LUZP2: variants seen among roughly 807,000 people sequenced by gnomAD.
LUZP2 encodes leucine zipper protein 2.
Under a neutral mutation model 51.6 loss-of-function variants are expected in LUZP2, and 52 were observed. That is an observed-to-expected ratio of 1.01 (90% confidence interval 0.81 to 1.27). The LOEUF (loss-of-function observed/expected upper bound fraction) is 1.27, where lower values mean the gene tolerates loss of function less well. LUZP2 is among the 50% of genes most tolerant of loss of function. The pLI, the probability that LUZP2 is intolerant of heterozygous loss-of-function variation, is 0.00. For missense variants in LUZP2, 436 were observed against 395.4 expected, an observed-to-expected ratio of 1.10 and a Z score of -0.87; for synonymous variants, 154 against 137.3, an observed-to-expected ratio of 1.12 and a Z score of -0.85.
rs140435367 is a variant in LUZP2 at position 24,739,503 on chromosome 11, G to A, written c.333+1201G>A. ...CCAGAACTAAGGCAGGGTGGCTCAAGCATATGATTGGGTTGTTCAGAGCAA... is the reference window on the plus strand; with the variant it reads ...CCAGAACTAAGGCAGGGTGGCTCAAACATATGATTGGGTTGTTCAGAGCAA... On this transcript the variant is annotated intron_variant, in intron 4 of 11. Transcript: ENST00000336930. Among the ~76,000 whole-genome samples, 115 of 152,166 alleles carry A rather than the reference G, an allele frequency of 7.6e-4. 1 individual carries two copies. Among genetic ancestry groups the A allele is most frequent in the African/African-American group, 2.6e-3 (109 of 41,540 alleles).
At chr11:24,741,975 T>TTTATATATTATATATAAATGTATACA (rs1414126510) in intron 4 of LUZP2, among the ~76,000 whole-genome samples, 1 of 95,284 alleles carries the variant, frequency 1.0e-5, no homozygotes, top group African/African-American at 3.3e-5. Context: ...AATATATACA[T>TTTATATATTATATATAAATGTATACA]TTATATATTA....
intron 1 of LUZP2, among the ~76,000 whole-genome samples, chr11:24,529,564 G>A (rs4244514): frequency 0.23 from 35,018 of 150,878 alleles, 5,705 homozygotes; most frequent in African/African-American, 0.45. Context: ...AAATGCTAAT[G>A]TGTCCATGAT....
intron 9 of LUZP2, among the ~76,000 whole-genome samples, chr11:25,048,348 A>G (rs1410700968): frequency 1.3e-5 from 2 of 152,124 alleles, no homozygotes; most frequent in African/African-American, 4.8e-5. Flanking sequence ...CTTCACTAGA[A>G]CTTTTCTTAT....
Position 24,879,937 on chromosome 11 carries a change from A to G in LUZP2, c.397-26054A>G, listed in dbSNP as rs554798457. Among the ~76,000 whole-genome samples, 21 of 152,282 alleles carry G rather than the reference A, an allele frequency of 1.4e-4. No individual in the cohort carries two copies. The South Asian group carries it at 1.9e-3, about 14-fold the overall frequency. On this transcript the variant is annotated intron_variant, in intron 5 of 11. Coordinates refer to ENST00000336930, the MANE Select transcript of LUZP2 (RefSeq NM_001009909.4). ...CTGTGGTTGAGAGAGGAATGGCACAAGCACTTTCACAGCTACCCCAGCTGG... is the reference window on the plus strand; with the variant it reads ...CTGTGGTTGAGAGAGGAATGGCACAGGCACTTTCACAGCTACCCCAGCTGG...
At chr11:25,006,817 A>T (rs531104925) in intron 9 of LUZP2, among the ~76,000 whole-genome samples, 1 of 152,280 alleles carries the variant, frequency 6.6e-6, no homozygotes, top group Admixed American at 6.5e-5. Context: ...TCATAAAGGT[A>T]GTGCAGACCC....
intron 4 of LUZP2, chr11:24,751,670 T>A: frequency 3.5e-6 from 2 of 573,772 alleles, no homozygotes; most frequent in Non-Finnish European, 4.4e-6. Context: ...TCATTGGCCC[T>A]TTTCCTGTAC....
chr11:25,016,589 TA>T (rs1215984506), intron 9 of LUZP2, among the ~76,000 whole-genome samples: 9 of 151,210 alleles, frequency 6.0e-5, no homozygotes, highest in Non-Finnish European at 1.2e-4. Context: ...TATGGTGCAG[TA>T]TGTGTATATA....
chr11:24,832,161 A>C (rs1277149444), intron 5 of LUZP2: 1 of 152,130 alleles, frequency 6.6e-6, no homozygotes, highest in Non-Finnish European at 1.5e-5. Context: ...AATCAAATCT[A>C]TCTGTAAAAT....
intron 5 of LUZP2, among the ~76,000 whole-genome samples, chr11:24,828,268 G>A (rs1000001959): frequency 1.3e-5 from 2 of 151,804 alleles, no homozygotes; most frequent in African/African-American, 2.4e-5. Flanking sequence ...ACAATGATAG[G>A]GTATTTGGGT....
chr11:24,628,362 C>T (rs1164621562), intron 1 of LUZP2, among the ~76,000 whole-genome samples: 1 of 152,042 alleles, frequency 6.6e-6, no homozygotes, highest in East Asian at 1.9e-4. Context: ...TATGGATTGC[C>T]ATGGAAATGA....
At chr11:24,890,057 C>G (rs1003960535) in intron 5 of LUZP2, among the ~76,000 whole-genome samples, 3 of 152,104 alleles carry the variant, frequency 2.0e-5, no homozygotes, top group Non-Finnish European at 4.4e-5. Context: ...TAGTTGTTCT[C>G]CCCCACCCCC....
intron 1 of LUZP2, among the ~76,000 whole-genome samples, chr11:24,688,337 G>A (rs1396739731): frequency 6.6e-6 from 1 of 152,078 alleles, no homozygotes; most frequent in African/African-American, 2.4e-5. Context: ...ATACTATGTA[G>A]CTAGAGAATT....
intron 1 of LUZP2, among the ~76,000 whole-genome samples, chr11:24,547,508 T>G (rs1465164370): frequency 6.6e-6 from 1 of 152,096 alleles, no homozygotes; most frequent in Non-Finnish European, 1.5e-5. Flanking sequence ...GATAACTAGT[T>G]AGTCATATGC....
At chr11:24,809,480 A>T (rs1033883136) in intron 5 of LUZP2, among the ~76,000 whole-genome samples, 3 of 152,210 alleles carry the variant, frequency 2.0e-5, no homozygotes, top group Admixed American at 6.6e-5. Context: ...TTCCTCTTTC[A>T]TCATACCTCC....
At chr11:24,952,241 A>C (rs1462665330) in intron 7 of LUZP2, among the ~76,000 whole-genome samples, 2 of 151,666 alleles carry the variant, frequency 1.3e-5, no homozygotes, top group Non-Finnish European at 3.0e-5. Flanking sequence ...TCACATTTAA[A>C]AGTGTTTCTA....
chr11:24,902,289 T>C (rs1163100500), intron 5 of LUZP2, among the ~76,000 whole-genome samples: 4 of 152,114 alleles, frequency 2.6e-5, no homozygotes, highest in Non-Finnish European at 2.9e-5. Context: ...CCAATAGTTA[T>C]TTTTTCTGAT....
chr11:24,629,344 G>A (rs944314221), intron 1 of LUZP2, among the ~76,000 whole-genome samples: 3 of 151,550 alleles, frequency 2.0e-5, no homozygotes, highest in Non-Finnish European at 2.9e-5. Flanking sequence ...TTGTCTTTCT[G>A]TGTCTGAATT....
In LUZP2 at chr11:24,536,221, G is replaced by A. The variant is rs952841597; in HGVS notation, c.62+38916G>A. On this transcript the variant is annotated intron_variant, in intron 1 of 11. Coordinates refer to ENST00000336930, the MANE Select transcript of LUZP2 (RefSeq NM_001009909.4). ...TAAGGGCCATGAGATTTTTGAAATG[G>A]TCAGTGAACACTGGCTTCAACTTAA... 4.0e-5 allele frequency among the ~76,000 whole-genome samples: 6 copies of A among 151,712 alleles called. No homozygotes were observed. The South Asian group carries it at 8.3e-4, about 21-fold the overall frequency.
intron 1 of LUZP2, among the ~76,000 whole-genome samples, chr11:24,672,835 A>G (rs1325353108): frequency 2.6e-5 from 4 of 152,172 alleles, no homozygotes; most frequent in Non-Finnish European, 4.4e-5. Flanking sequence ...CAGTCCCTGG[A>G]CCACAGACCA....
Sources: gnomAD v4.1 joint callset for allele counts (sites outside exome capture counted in the v4.1 genomes callset) on GRCh38, gnomAD v4.1.1 for gene constraint, MANE v1.5 for transcripts, NCBI Gene and HGNC (gene_info 2026-07-23, HGNC 2026-07-21) for gene names.